The following PCDHGB2 variants were observed in gnomAD, a reference collection of about 807,000 sequenced individuals.
The protein encoded by PCDHGB2 is protocadherin gamma-B2.
In PCDHGB2, 55 loss-of-function variants were observed where a neutral mutation model predicts 59.3. The ratio of observed to expected loss-of-function variants is 0.93; its 90% CI spans 0.75 to 1.16. The LOEUF (loss-of-function observed/expected upper bound fraction) is 1.16. Ranked by LOEUF, PCDHGB2 falls within the 50% of genes most tolerant of loss-of-function variation. PCDHGB2 has a pLI of 0.00. For synonymous variants in PCDHGB2, 516 were observed against 512.0 expected (o/e 1.01, Z -0.11); for missense variants, 1,228 against 1,198.5 (o/e 1.02, Z -0.36).
At position 141,486,706 on chromosome 5, in the gene PCDHGB2, C is replaced by G; in HGVS notation, c.2422-8101C>G. 6.2e-7 allele frequency: 1 copy of G among 1,614,154 alleles called. No homozygotes were observed. Among genetic ancestry groups the G allele is most frequent in the Non-Finnish European group, 8.5e-7 (1 of 1,180,024 alleles). ...CAGCTTCCTCTTTCATCTCTCTGAA[C>G]CCCCAGACAGGAGCTGTTCATGCTA... On this transcript the variant is annotated intron_variant, in intron 1 of 3. Coordinates refer to ENST00000522605, the MANE Select transcript of PCDHGB2 (RefSeq NM_018923.3). This position sits in a 1 kb window ranked among gnomAD's most constrained non-coding sequence, Gnocchi z 5.0.
At chr5:141,437,195 A>G (rs2097867163) in intron 1 of PCDHGB2, among the ~76,000 whole-genome samples, 2 of 152,180 alleles carry the variant, frequency 1.3e-5, no homozygotes, top group African/African-American at 4.8e-5. Context: ...ATGGGTTTGG[A>G]TGTGTTTACA....
At chr5:141,369,943 A>G (rs1183061731) in intron 1 of PCDHGB2, among the ~76,000 whole-genome samples, 2 of 152,250 alleles carry the variant, frequency 1.3e-5, no homozygotes, top group African/African-American at 4.8e-5. Flanking sequence ...ATTGAGCAAG[A>G]TTATCTCTGC....
chr5:141,422,670 C>T, intron 1 of PCDHGB2: 1 of 1,607,244 alleles, frequency 6.2e-7, no homozygotes, highest in Non-Finnish European at 8.5e-7. Flanking sequence ...TCGACCCGGA[C>T]AGCAAACAGA....
chr5:141,436,240 G>T (rs192988618), intron 1 of PCDHGB2, among the ~76,000 whole-genome samples: 1 of 152,082 alleles, frequency 6.6e-6, no homozygotes. Context: ...AGCTAACATG[G>T]TCTAATTATT....
chr5:141,383,287 G>A (rs753501762), intron 1 of PCDHGB2: 2 of 1,613,798 alleles, frequency 1.2e-6, no homozygotes, highest in South Asian at 2.2e-5. Context: ...TAATGACAAC[G>A]TTCCAAGATT....
intron 1 of PCDHGB2, chr5:141,393,503 G>T: frequency 6.2e-7 from 1 of 1,614,028 alleles, no homozygotes; most frequent in Non-Finnish European, 8.5e-7. Context: ...GCATCCACGT[G>T]ACAGTGTTGG....
At chr5:141,427,814 G>T in intron 1 of PCDHGB2, 2 of 1,526,562 alleles carry the variant, frequency 1.3e-6, no homozygotes, top group South Asian at 2.2e-5. Context: ...CACAGAGCGG[G>T]GTGGTGGTCG....
intron 1 of PCDHGB2, among the ~76,000 whole-genome samples, chr5:141,484,837 T>C (rs1289449270): frequency 6.6e-6 from 1 of 151,620 alleles, no homozygotes; most frequent in Non-Finnish European, 1.5e-5. Context: ...GGCGAAAAGA[T>C]AGGCTGGGTT....
At position 141,502,499 on chromosome 5, in the gene PCDHGB2, C is replaced by T. The variant is rs552402476; in HGVS notation, c.2481-2894C>T. ...CATCACACTGGGACTCATCTAACGT[C>T]GGCCTGTCCCACTATCAGTGATGCC... On this transcript the variant is annotated intron_variant, in intron 2 of 3. Coordinates refer to ENST00000522605, the MANE Select transcript of PCDHGB2 (RefSeq NM_018923.3). Among the ~76,000 whole-genome samples, 24 of 152,240 alleles carry T rather than the reference C, an allele frequency of 1.6e-4. No homozygotes were observed. In the East Asian group the frequency reaches 4.1e-3, roughly 26 times the overall value.
chr5:141,374,853 TAGGCACACCAGTGTTG>T, intron 1 of PCDHGB2: 1 of 1,613,796 alleles, frequency 6.2e-7, no homozygotes, highest in Non-Finnish European at 8.5e-7. Context: ...AACCTGCCAG[TAGGCACACCAGTGTTG>T]GCAGTGACTG....
chr5:141,426,909 G>A (rs1293364217), intron 1 of PCDHGB2: 1 of 456,744 alleles, frequency 2.2e-6, no homozygotes, highest in Non-Finnish European at 4.4e-6. Flanking sequence ...TCATCTCCTG[G>A]TCCTGGAAGC....
At chr5:141,405,301 G>C (rs369812265) in intron 1 of PCDHGB2, 2 of 1,614,082 alleles carry the variant, frequency 1.2e-6, no homozygotes, top group African/African-American at 2.7e-5. Context: ...TCAGCCAGCA[G>C]AGCTGTGAGA....
intron 1 of PCDHGB2, among the ~76,000 whole-genome samples, chr5:141,452,145 C>T (rs1414317332): frequency 6.6e-6 from 1 of 152,020 alleles, no homozygotes; most frequent in Non-Finnish European, 1.5e-5. Flanking sequence ...GTGTTTTTTC[C>T]AATGAGTTAT....
At position 141,493,841 on chromosome 5, in the gene PCDHGB2, T is replaced by C. The variant is rs774682943; in HGVS notation, c.2422-966T>C. On this transcript the variant is annotated intron_variant, in intron 1 of 3. Transcript: ENST00000522605. The surrounding 1 kb of genome is among the most constrained non-coding windows in gnomAD (Gnocchi z 4.3). ...CTCTGCTTCTGGGAGCAAGTATGAGTATTAATTACCAGCCCACCCCAGAAC... is the reference window on the plus strand; with the variant it reads ...CTCTGCTTCTGGGAGCAAGTATGAGCATTAATTACCAGCCCACCCCAGAAC... Among the ~76,000 whole-genome samples the C allele has an allele frequency of 3.3e-5, 5 of 152,140 alleles. No homozygotes were observed. In the East Asian group the frequency reaches 9.7e-4, roughly 29 times the overall value.
chr5:141,409,736 G>C (rs1053484390), intron 1 of PCDHGB2: 9 of 1,612,992 alleles, frequency 5.6e-6, no homozygotes, highest in South Asian at 2.2e-5. Context: ...CGCGCAGAGC[G>C]GGGTGGTGTT....
At chr5:141,423,444 A>C (rs1340932902) in intron 1 of PCDHGB2, 1 of 1,614,050 alleles carries the variant, frequency 6.2e-7, no homozygotes. Flanking sequence ...TGCCCACGTC[A>C]CATTTTGTAG....
rs766164142 is a variant in PCDHGB2, at chr5:141,477,910, G to A, written c.2422-16897G>A. On this transcript the variant is annotated intron_variant, in intron 1 of 3. Transcript: ENST00000522605. The surrounding 1 kb of genome is among the most constrained non-coding windows in gnomAD (Gnocchi z 4.9). ...TGTCACGGGTGGTAGGCTGGGACGC[G>A]GATGCAGGGCACAATGCCTGGCTCT... 6.2e-7 allele frequency: 1 copy of A among 1,614,166 alleles called. No individual in the cohort carries two copies. Among genetic ancestry groups the A allele is most frequent in the Admixed American group, 1.7e-5 (1 of 60,020 alleles).
chr5:141,384,595 G>A, intron 1 of PCDHGB2: 1 of 1,614,198 alleles, frequency 6.2e-7, no homozygotes, highest in Non-Finnish European at 8.5e-7. Flanking sequence ...CCTGTACCCG[G>A]CCCTCCCCAC....
chr5:141,369,898 C>A (rs1410359575), intron 1 of PCDHGB2, among the ~76,000 whole-genome samples: 1 of 152,106 alleles, frequency 6.6e-6, no homozygotes, highest in Non-Finnish European at 1.5e-5. Flanking sequence ...TTATTATGAC[C>A]ATTTTATGAA....
Sources: gnomAD v4.1 joint callset for allele counts (sites outside exome capture counted in the v4.1 genomes callset) on GRCh38, gnomAD v4.1.1 for gene constraint, Gnocchi (gnomAD v3.1) non-coding constraint, MANE v1.5 for transcripts, NCBI Gene and HGNC (gene_info 2026-07-23, HGNC 2026-07-21) for gene names.